CELF4: variants seen among roughly 807,000 people sequenced by gnomAD.
The protein encoded by CELF4 is CUGBP Elav-like family member 4.
CELF4 carries 18 observed loss-of-function variants against 59.9 expected under a neutral mutation model. The ratio of observed to expected loss-of-function variants is 0.30; its 90% CI spans 0.21 to 0.45. CELF4 has a LOEUF of 0.45. Ranked by LOEUF, CELF4 falls within the 20% of genes least tolerant of loss-of-function variation. The probability of loss-of-function intolerance (pLI) is 1.00; values close to 1 mark genes in which losing one functional copy is unlikely to be tolerated. For missense variants in CELF4, 456 were observed against 689.0 expected (o/e 0.66, Z 3.79); for synonymous variants, 261 against 267.1 (o/e 0.98, Z 0.22).
intron 1 of CELF4, among the ~76,000 whole-genome samples, chr18:37,500,421 G>T (rs1259987503): frequency 6.6e-6 from 1 of 152,134 alleles, no homozygotes; most frequent in Admixed American, 6.5e-5. Context: ...CCAGCCTGCA[G>T]CCTGACCTTA....
chr18:37,487,924 T>C (rs2099884759), intron 1 of CELF4, among the ~76,000 whole-genome samples: 1 of 152,152 alleles, frequency 6.6e-6, no homozygotes. Flanking sequence ...TGAACCAAAA[T>C]CTTTCAGGAT....
intron 2 of CELF4, among the ~76,000 whole-genome samples, chr18:37,413,693 G>A (rs1265295491): frequency 6.6e-6 from 1 of 152,200 alleles, no homozygotes; most frequent in Admixed American, 6.5e-5. Flanking sequence ...TTTCTTGGCA[G>A]AATCAGAATT....
chr18:37,504,171 C>T (rs1185203993), intron 1 of CELF4, among the ~76,000 whole-genome samples: 1 of 152,128 alleles, frequency 6.6e-6, no homozygotes, highest in African/African-American at 2.4e-5. Flanking sequence ...CAGCCTGGCC[C>T]CTTCCATTCA....
intron 2 of CELF4, among the ~76,000 whole-genome samples, chr18:37,353,747 G>C: frequency 7.0e-6 from 1 of 143,444 alleles, no homozygotes; most frequent in South Asian, 2.4e-4. Context: ...GGCTGGTGGG[G>C]GCGGGGGGGG....
chr18:37,436,192 C>A (rs959098433), intron 2 of CELF4, among the ~76,000 whole-genome samples: 2 of 152,210 alleles, frequency 1.3e-5, no homozygotes, highest in East Asian at 1.9e-4. Flanking sequence ...GGCGCTGGCT[C>A]GCTTAAGAGA....
chr18:37,460,677 G>A (rs527646849), intron 2 of CELF4, among the ~76,000 whole-genome samples: 4 of 152,236 alleles, frequency 2.6e-5, no homozygotes, highest in Non-Finnish European at 5.9e-5. Flanking sequence ...AGATGCATGC[G>A]AATTCATGTG....
At chr18:37,281,891 TCTC>T (rs2154383634) in intron 3 of CELF4, among the ~76,000 whole-genome samples, 1 of 152,154 alleles carries the variant, frequency 6.6e-6, no homozygotes, top group Non-Finnish European at 1.5e-5. Flanking sequence ...CATGCCCCCC[TCTC>T]TAACTTTACC....
At chr18:37,408,435 T>A (rs1454045332) in intron 2 of CELF4, among the ~76,000 whole-genome samples, 1 of 144,644 alleles carries the variant, frequency 6.9e-6, no homozygotes, top group African/African-American at 2.5e-5. Context: ...CTACCCTGAC[T>A]ACACACATGG....
chr18:37,334,971 CTTTAGA>C (rs1316442515), intron 2 of CELF4, among the ~76,000 whole-genome samples: 2 of 151,982 alleles, frequency 1.3e-5, no homozygotes, highest in African/African-American at 4.8e-5. Context: ...TGTCTCTGGG[CTTTAGA>C]TTTAATCACT....
chr18:37,331,420 G>C (rs979314620), intron 2 of CELF4, among the ~76,000 whole-genome samples: 1 of 152,148 alleles, frequency 6.6e-6, no homozygotes, highest in Non-Finnish European at 1.5e-5. Flanking sequence ...TCTGTCAAAA[G>C]TAGCCCTCAA....
rs758615523 is a variant in CELF4 at position 37,253,071 on chromosome 18, G to A, written c.*44+696C>T. 6.6e-6 allele frequency among the ~76,000 whole-genome samples: 1 copy of A among 152,072 alleles called. No individual in the cohort carries two copies. The highest frequency in any genetic ancestry group is 2.4e-5 in the African/African-American group (1 of 41,406). On this transcript the variant is annotated intron_variant, in intron 12 of 12. Coordinates refer to ENST00000420428, the MANE Select transcript of CELF4 (RefSeq NM_020180.4). This position sits in a 1 kb window ranked among gnomAD's most constrained non-coding sequence, Gnocchi z 4.5. The stretch of plus-strand genomic sequence containing the variant: ...GGGGAACACGTGGGCTGGAAGAGGC[G>A]TGGCTGACTGTGTCTTCAGCTCCTA...
chr18:37,564,152 C>T (rs1341528190), intron 1 of CELF4, among the ~76,000 whole-genome samples: 1 of 152,152 alleles, frequency 6.6e-6, no homozygotes, highest in Non-Finnish European at 1.5e-5. Context: ...AACGGAACAT[C>T]CATACACATC....
At chr18:37,460,880 G>T (rs997572524) in intron 2 of CELF4, among the ~76,000 whole-genome samples, 19 of 152,216 alleles carry the variant, frequency 1.2e-4, no homozygotes, top group African/African-American at 4.6e-4. Flanking sequence ...GATGTGGGAG[G>T]TGGGTCTCTT....
intron 5 of CELF4, 79 bp from the exon 6 acceptor site, chr18:37,274,533 AC>A: frequency 6.3e-7 from 1 of 1,596,880 alleles, no homozygotes; most frequent in South Asian, 1.1e-5. Flanking sequence ...GCCTGCGCCC[AC>A]CCCGCCCGCT....
chr18:37,433,201 G>A (rs928114835), intron 2 of CELF4, among the ~76,000 whole-genome samples: 3 of 152,166 alleles, frequency 2.0e-5, no homozygotes, highest in Non-Finnish European at 4.4e-5. Flanking sequence ...CCCTAGGAAC[G>A]TGAGAGCCAG....
intron 7 of CELF4, among the ~76,000 whole-genome samples, chr18:37,272,572 G>GAAAAAAAAA (rs397692958): frequency 9.5e-6 from 1 of 104,946 alleles, no homozygotes; most frequent in Non-Finnish European, 1.9e-5. Context: ...AAAGGGAAAT[G>GAAAAAAAAA]AAAAAAAAAA....
intron 3 of CELF4, among the ~76,000 whole-genome samples, chr18:37,307,873 A>G (rs1401846991): frequency 6.6e-6 from 1 of 152,300 alleles, no homozygotes; most frequent in Non-Finnish European, 1.5e-5. Context: ...CCGCTGGACA[A>G]AGCATTGCAG....
chr18:37,339,810 G>A (rs988930283), intron 2 of CELF4, among the ~76,000 whole-genome samples: 1 of 150,968 alleles, frequency 6.6e-6, no homozygotes, highest in African/African-American at 2.4e-5. Flanking sequence ...GTGTGTAGAC[G>A]CATGGTCATG....
intron 2 of CELF4, among the ~76,000 whole-genome samples, chr18:37,400,483 A>G (rs2099313379): frequency 6.6e-6 from 1 of 152,218 alleles, no homozygotes; most frequent in Admixed American, 6.5e-5. Context: ...TGTTGCATTC[A>G]TGTTCTTTCA....
Sources: gnomAD v4.1 joint callset for allele counts (sites outside exome capture counted in the v4.1 genomes callset) on GRCh38, gnomAD v4.1.1 for gene constraint, Gnocchi (gnomAD v3.1) non-coding constraint, MANE v1.5 for transcripts, NCBI Gene and HGNC (gene_info 2026-07-23, HGNC 2026-07-21) for gene names.